Variants in KDM4C observed in about 807,000 individuals in gnomAD.
The protein encoded by KDM4C is lysine-specific demethylase 4C.
A neutral mutation model predicts 129.3 loss-of-function variants in KDM4C; 81 were observed. That is an observed-to-expected ratio of 0.63 (90% CI 0.52 to 0.75). KDM4C has a LOEUF of 0.75. Among genes scored for constraint, KDM4C ranks in the 30% least tolerant of loss-of-function variants. The pLI is 0.00. For missense variants in KDM4C, 1,457 were observed against 1,304.0 expected (o/e 1.12, Z -1.81); for synonymous variants, 573 against 456.1 (o/e 1.26, Z -3.26).
intron 8 of KDM4C, among the ~76,000 whole-genome samples, chr9:6,903,873 G>A (rs1254638934): frequency 2.0e-5 from 3 of 150,878 alleles, no homozygotes; most frequent in African/African-American, 4.9e-5. Flanking sequence ...GTATCTTTTC[G>A]AAAATCTACA....
At chr9:7,073,054 T>G (rs139837875) in intron 17 of KDM4C, among the ~76,000 whole-genome samples, 100 of 152,214 alleles carry the variant, frequency 6.6e-4, no homozygotes, top group African/African-American at 2.4e-3. Context: ...GGGAAGTGTT[T>G]TGGGAGATGA....
At chr9:7,102,364 AATTATATGAAGGAT>A (rs1389017060) in intron 17 of KDM4C, among the ~76,000 whole-genome samples, 3 of 112,772 alleles carry the variant, frequency 2.7e-5, no homozygotes, top group African/African-American at 1.1e-4. Flanking sequence ...AGAAACCTTT[AATTATATGAAGGAT>A]ATTAAGTACG....
chr9:7,001,159 G>C lies in KDM4C; in HGVS notation c.1787-10539G>C, dbSNP rs1820653476. Among the ~76,000 whole-genome samples, 3 of 152,334 alleles carry C rather than the reference G, an allele frequency of 2.0e-5. No individual in the cohort carries two copies. The South Asian group carries it at 6.2e-4, about 32-fold the overall frequency. On this transcript the variant is annotated intron_variant, in intron 12 of 21. Coordinates refer to ENST00000381309, the MANE Select transcript of KDM4C (RefSeq NM_015061.6). ...GGTTCCCAGGCTTCAGAGAAATGGT[G>C]AGATGAGTATATCTTTATACCTGTC...
chr9:6,950,497 T>C (rs1472783632), intron 8 of KDM4C, among the ~76,000 whole-genome samples: 1 of 152,226 alleles, frequency 6.6e-6, no homozygotes, highest in East Asian at 1.9e-4. Context: ...TGTGAAAACC[T>C]GTACTGGACA....
intron 8 of KDM4C, among the ~76,000 whole-genome samples, chr9:6,970,980 AT>A (rs1346918532): frequency 2.0e-5 from 3 of 152,092 alleles, no homozygotes; most frequent in Non-Finnish European, 4.4e-5. Flanking sequence ...AGGGTTTTGC[AT>A]TTTGATTTAA....
rs141024863 is a variant in KDM4C at position 6,748,144 on chromosome 9, T to C, written c.49+27147T>C. 5.1e-3 allele frequency among the ~76,000 whole-genome samples: 743 copies of C among 144,614 alleles called. 9 individuals carry two copies. Among genetic ancestry groups the C allele is most frequent in the African/African-American group, 0.018 (705 of 38,630 alleles). 94.9% of individuals were successfully genotyped at this position (144,614 alleles called of 152,430 possible). A position where few individuals can be genotyped will look rare whatever the true frequency, so the allele number is the denominator to read the frequency against. On this transcript the variant is annotated intron_variant, in intron 1 of 17. Transcript: ENST00000536108. ...TCGCACCACTGCACTCCAGCCTGAG[T>C]AACAGAGCAAGACTTGGTCTCAAAA...
At chr9:6,837,052 A>G (rs1836001072) in intron 4 of KDM4C, among the ~76,000 whole-genome samples, 1 of 151,958 alleles carries the variant, frequency 6.6e-6, no homozygotes, top group Admixed American at 6.6e-5. Context: ...TTCCTTTAGC[A>G]CTGTATATCA....
intron 17 of KDM4C, among the ~76,000 whole-genome samples, chr9:7,099,847 C>G (rs191074643): frequency 6.6e-6 from 1 of 152,358 alleles, no homozygotes; most frequent in East Asian, 1.9e-4. Flanking sequence ...AACCTTCTTT[C>G]ATTCCCCTCC....
At chr9:6,921,863 T>G (rs1821581984) in intron 8 of KDM4C, among the ~76,000 whole-genome samples, 1 of 152,156 alleles carries the variant, frequency 6.6e-6, no homozygotes, top group East Asian at 1.9e-4. Context: ...TAAGGCACAT[T>G]AATGCCCTAG....
chr9:6,921,353 C>T (rs1438120233), intron 8 of KDM4C, among the ~76,000 whole-genome samples: 1 of 152,216 alleles, frequency 6.6e-6, no homozygotes, highest in Non-Finnish European at 1.5e-5. Flanking sequence ...ATGGGCTTCA[C>T]AAACGTTAAC....
chr9:6,963,757 C>T (rs1830419078), intron 8 of KDM4C, among the ~76,000 whole-genome samples: 2 of 152,198 alleles, frequency 1.3e-5, no homozygotes, highest in Non-Finnish European at 2.9e-5. Flanking sequence ...CATTTTCCTG[C>T]CTCTCAGTCT....
chr9:6,886,719 C>G (rs1221410193), intron 6 of KDM4C, among the ~76,000 whole-genome samples: 4 of 152,092 alleles, frequency 2.6e-5, no homozygotes, highest in Non-Finnish European at 5.9e-5. Context: ...GTCTCGAACT[C>G]CTGACCTTGT....
intron 1 of KDM4C, among the ~76,000 whole-genome samples, chr9:6,778,846 G>A (rs2130734262): frequency 6.7e-6 from 1 of 149,186 alleles, no homozygotes; most frequent in Non-Finnish European, 1.5e-5. Context: ...ATGAGAAGGA[G>A]TCTCATGTTC....
rs868332909 is a variant in KDM4C, at chr9:7,130,109, C to T, written c.2781+1873C>T. On this transcript the variant is annotated intron_variant, in intron 19 of 21. Coordinates refer to ENST00000381309, the MANE Select transcript of KDM4C (RefSeq NM_015061.6). ...ACTTTCACCAGCCCTGTGCAGGCTA[C>T]ATAGTTGTTTCAGAATTAGCCTTCT... is the stretch of plus-strand genomic sequence containing the variant. 5.3e-5 allele frequency among the ~76,000 whole-genome samples: 8 copies of T among 152,266 alleles called. No individual in the cohort carries two copies. The South Asian group carries it at 1.0e-3, about 20-fold the overall frequency.
chr9:6,784,730 G>C (rs1287902700), intron 1 of KDM4C, among the ~76,000 whole-genome samples: 5 of 152,186 alleles, frequency 3.3e-5, no homozygotes, highest in Non-Finnish European at 5.9e-5. Flanking sequence ...GGACTTGTGA[G>C]AGAGAAATGA....
chr9:6,904,422 T>TG lies in KDM4C; in HGVS notation c.921+11191dup, dbSNP rs879827824. On this transcript the variant is annotated intron_variant, in intron 8 of 21. Transcript: ENST00000381309. ...TTGCAGTGGATTTTTTTTTTTTTTT[T>TG]GAGGGGCATCACAGAACCACAGTAG... Among the ~76,000 whole-genome samples, 69 of 144,994 alleles carry TG rather than the reference T, an allele frequency of 4.8e-4. 1 individual carries two copies. Among genetic ancestry groups the TG allele is most frequent in the South Asian group, 4.6e-3 (21 of 4,536 alleles).
intron 19 of KDM4C, among the ~76,000 whole-genome samples, chr9:7,133,570 C>T (rs1433371162): frequency 3.3e-5 from 5 of 152,288 alleles, no homozygotes; most frequent in East Asian, 1.9e-4. Flanking sequence ...TCAAAATACA[C>T]GGTGACAGAG....
chr9:6,791,257 G>A (rs770220895), intron 1 of KDM4C, among the ~76,000 whole-genome samples: 3 of 152,120 alleles, frequency 2.0e-5, no homozygotes, highest in Non-Finnish European at 4.4e-5. Context: ...GACTACAGGC[G>A]TGTGCCACCA....
At chr9:6,837,951 C>T (rs993707869) in intron 4 of KDM4C, among the ~76,000 whole-genome samples, 6 of 151,904 alleles carry the variant, frequency 3.9e-5, no homozygotes, top group East Asian at 1.9e-4. Context: ...CTTAACTTAC[C>T]TTTCAGACTT....
Sources: gnomAD v4.1 joint callset for allele counts (sites outside exome capture counted in the v4.1 genomes callset) on GRCh38, gnomAD v4.1.1 for gene constraint, MANE v1.5 for transcripts, NCBI Gene and HGNC (gene_info 2026-07-23, HGNC 2026-07-21) for gene names.